Variants in ST7 observed in about 807,000 individuals in gnomAD.
The protein encoded by ST7 is suppressor of tumorigenicity 7 protein.
A neutral mutation model predicts 78.7 loss-of-function variants in ST7; 28 were observed. That is an observed-to-expected ratio of 0.36 (90% confidence interval 0.26 to 0.49). The LOEUF is 0.49. Ranked by LOEUF, ST7 falls within the 20% of genes least tolerant of loss-of-function variation. The pLI is 0.99. For synonymous variants in ST7, 247 were observed against 249.6 expected, an observed-to-expected ratio of 0.99 and a Z score of 0.10; for missense variants, 418 against 696.0, an observed-to-expected ratio of 0.60 and a Z score of 4.49.
intron 12 of ST7, chr7:117,199,158 A>G (rs1285556252): frequency 6.6e-6 from 1 of 151,824 alleles, no homozygotes; most frequent in Non-Finnish European, 1.5e-5. Context: ...AGTGGAAGAG[A>G]GAGAGGTGGC....
chr7:117,060,839 C>T (rs1798311122), intron 1 of ST7, among the ~76,000 whole-genome samples: 2 of 152,042 alleles, frequency 1.3e-5, no homozygotes, highest in African/African-American at 4.8e-5. Flanking sequence ...AACTTGGTCT[C>T]TACTAAAAAT....
At chr7:117,136,597 C>T in intron 8 of ST7, 1 of 431,732 alleles carries the variant, frequency 2.3e-6, no homozygotes, top group Non-Finnish European at 4.1e-6. Context: ...TTAAATTAGC[C>T]ATAGTGTTAG....
chr7:117,223,953 T>C lies in ST7; in HGVS notation c.1638+1891T>C, dbSNP rs1026210833. 10 of 975,368 alleles carry C rather than the reference T, an allele frequency of 1.0e-5. No individual in the cohort carries two copies. The African/African-American group carries it at 1.8e-4, about 17-fold the overall frequency. 60.4% of individuals were successfully genotyped at this position (975,368 alleles called of 1,614,324 possible). On this transcript the variant is annotated intron_variant, in intron 15 of 15. Transcript: ENST00000323984. ...AGAAAGAATCAATGGAAAAATCAGATACAGCTTAGTATTTTTTTTTCTCTT... is the reference window on the plus strand; with the variant it reads ...AGAAAGAATCAATGGAAAAATCAGACACAGCTTAGTATTTTTTTTTCTCTT...
chr7:117,121,535 G>A (rs1008082380), intron 3 of ST7, among the ~76,000 whole-genome samples: 3 of 152,148 alleles, frequency 2.0e-5, no homozygotes, highest in Non-Finnish European at 4.4e-5. Context: ...ATGTGGATGG[G>A]TTATTCTAGA....
rs77060569 is a variant in ST7 at position 117,130,581 on chromosome 7, G to A, written c.540G>A (p.Ser180=). ...ACCAGACATTCTTTACTTGTGACTCGGACCATCTGCGTCCCGCAGATGCAA... is the reference window on the plus strand; with the variant it reads ...ACCAGACATTCTTTACTTGTGACTCAGACCATCTGCGTCCCGCAGATGCAA... ...QDHQTFFTCD[S]DHLRPADAIM... Residue 180 remains serine (S), a synonymous_variant, in exon 5 of 16, where the codon TCG becomes TCA. Transcript: ENST00000323984. 5.0e-5 allele frequency: 80 copies of A among 1,610,252 alleles called. No individual in the cohort carries two copies. The East Asian group carries it at 1.1e-3, about 22-fold the overall frequency.
At chr7:117,129,616 G>A (rs1348254416) in intron 3 of ST7, among the ~76,000 whole-genome samples, 177 bp from the exon 4 acceptor site, 3 of 151,816 alleles carry the variant, frequency 2.0e-5, no homozygotes, top group Admixed American at 1.3e-4. Context: ...CCAAAGTCCC[G>A]GAGCCTGAGC....
chr7:117,047,812 A>G (rs1797568046), intron 1 of ST7, among the ~76,000 whole-genome samples: 1 of 152,184 alleles, frequency 6.6e-6, no homozygotes, highest in Non-Finnish European at 1.5e-5. Context: ...GTAAACAATG[A>G]CTTCAGAAAT....
At chr7:117,152,216 T>TATAC (rs1410527391) in intron 9 of ST7, among the ~76,000 whole-genome samples, 15 of 119,964 alleles carry the variant, frequency 1.3e-4, no homozygotes, top group Middle Eastern at 4.2e-3. Flanking sequence ...TATATATATA[T>TATAC]ATATATACCA....
intron 12 of ST7, among the ~76,000 whole-genome samples, chr7:117,197,429 T>G (rs1810420684): frequency 6.6e-6 from 1 of 152,206 alleles, no homozygotes; most frequent in Admixed American, 6.5e-5. Flanking sequence ...GATTATTTCC[T>G]TAGGGTAGAT....
At chr7:117,008,346 C>G (rs1449857252) in intron 1 of ST7, among the ~76,000 whole-genome samples, 1 of 152,104 alleles carries the variant, frequency 6.6e-6, no homozygotes, top group African/African-American at 2.4e-5. Flanking sequence ...TCAAGAATTC[C>G]CTTTCAGCAA....
chr7:117,090,739 T>C (rs1466648577), intron 1 of ST7: 1 of 167,130 alleles, frequency 6.0e-6, no homozygotes, highest in African/African-American at 2.4e-5. Flanking sequence ...TTTCCTCTGT[T>C]CTTGACCAGG....
At position 117,229,890 on chromosome 7, in the gene ST7, C is replaced by T. The variant is rs201501046; in HGVS notation, c.*33C>T. ...CCTGTCCTCCACTCACCTCACCCGC[C>T]GCTGCCACCATCTCCTCTGTGCCAA... On this transcript the variant is annotated 3_prime_UTR_variant, in exon 16 of 16. Transcript: ENST00000323984. The T allele has an allele frequency of 5.2e-5, 82 of 1,565,490 alleles. No individual in the cohort carries two copies. The East Asian group carries it at 9.0e-4, about 17-fold the overall frequency.
intron 1 of ST7, among the ~76,000 whole-genome samples, chr7:117,050,658 C>T (rs1451735071): frequency 2.6e-5 from 4 of 152,132 alleles, no homozygotes; most frequent in Admixed American, 1.3e-4. Context: ...AGGCCTGGTG[C>T]GGTGGCTCAC....
chr7:116,998,664 A>G (rs1049003994), intron 1 of ST7, among the ~76,000 whole-genome samples: 3 of 152,272 alleles, frequency 2.0e-5, no homozygotes, highest in African/African-American at 7.2e-5. Context: ...ACTATGTGCC[A>G]GACACTTTGC....
At chr7:116,954,627 C>T (rs1247668349) in intron 1 of ST7, 1 of 152,894 alleles carries the variant, frequency 6.5e-6, no homozygotes, top group East Asian at 1.9e-4. Flanking sequence ...TTCCGAAACA[C>T]AAAGTAAATT....
intron 1 of ST7, among the ~76,000 whole-genome samples, chr7:117,070,152 T>C (rs931938315): frequency 6.6e-6 from 1 of 152,202 alleles, no homozygotes; most frequent in Non-Finnish European, 1.5e-5. Flanking sequence ...CAAATAACTT[T>C]CAGGACATTT....
chr7:117,214,480 T>A (rs927290361), intron 13 of ST7, among the ~76,000 whole-genome samples: 2 of 152,216 alleles, frequency 1.3e-5, no homozygotes, highest in African/African-American at 4.8e-5. Context: ...ATGTGGTTCT[T>A]AGGGCATTTC....
Position 117,097,899 on chromosome 7 carries a change from TATATATATA to T in ST7, c.152-1862_152-1854del, listed in dbSNP as rs1353457131. ...ATATCACTATATATATATATATATA[TATATATATA>T]TTTTTTTTTTTTTTTTTTTTGATGG... On this transcript the variant is annotated intron_variant, in intron 1 of 15. Coordinates refer to ENST00000323984, the MANE Select transcript of ST7 (RefSeq NM_001369598.1). Among the ~76,000 whole-genome samples the T allele has an allele frequency of 4.1e-4, 13 of 31,974 alleles. 1 individual carries two copies. The highest frequency in any genetic ancestry group is 1.6e-3 in the African/African-American group (11 of 6,776). 21.0% of individuals were successfully genotyped at this position (31,974 alleles called of 152,430 possible).
chr7:117,041,346 A>G (rs1797216240), intron 1 of ST7, among the ~76,000 whole-genome samples: 1 of 152,152 alleles, frequency 6.6e-6, no homozygotes, highest in African/African-American at 2.4e-5. Flanking sequence ...TGAAGCCTAG[A>G]GATGTTTAGT....
Sources: gnomAD v4.1 joint callset for allele counts (sites outside exome capture counted in the v4.1 genomes callset) on GRCh38, gnomAD v4.1.1 for gene constraint, MANE v1.5 for transcripts, NCBI Gene and HGNC (gene_info 2026-07-23, HGNC 2026-07-21) for gene names.